The following GRID2 variants were observed in gnomAD, a reference collection of about 807,000 sequenced individuals.
GRID2 encodes the protein glutamate receptor ionotropic, delta-2.
A neutral mutation model predicts 114.8 loss-of-function variants in GRID2; 33 were observed. The observed-to-expected ratio is 0.29, with a 90% CI of 0.22 to 0.38. The LOEUF (loss-of-function observed/expected upper bound fraction) is 0.38, where lower values mean the gene tolerates loss of function less well. Among genes scored for constraint, GRID2 ranks in the 10% least tolerant of loss-of-function variants. GRID2 has a pLI of 1.00. For synonymous variants in GRID2, 505 were observed against 449.9 expected, an observed-to-expected ratio of 1.12 and a Z score of -1.55; for missense variants, 1,184 against 1,257.7, an observed-to-expected ratio of 0.94 and a Z score of 0.89.
intron 8 of GRID2, among the ~76,000 whole-genome samples, chr4:93,323,199 G>A (rs945948164): frequency 1.3e-5 from 2 of 151,958 alleles, no homozygotes; most frequent in Non-Finnish European, 2.9e-5. Context: ...TTAAGTCTTT[G>A]ATCCATCTTG....
intron 9 of GRID2, among the ~76,000 whole-genome samples, chr4:93,411,982 G>A (rs1022129140): frequency 2.7e-5 from 4 of 150,664 alleles, no homozygotes; most frequent in Middle Eastern, 3.4e-3. Flanking sequence ...AACCAATCCC[G>A]AACTTCAAAA....
chr4:93,703,750 G>GT (rs953481479), intron 14 of GRID2, among the ~76,000 whole-genome samples: 6 of 149,512 alleles, frequency 4.0e-5, no homozygotes, highest in South Asian at 2.1e-4. Flanking sequence ...GCAGTGTTTG[G>GT]TTTTTTGTCC....
intron 1 of GRID2, 38 bp downstream of exon 1, chr4:92,304,782 C>T (rs1282702917): frequency 1.4e-6 from 2 of 1,380,136 alleles, no homozygotes; most frequent in East Asian, 4.6e-5. Flanking sequence ...TTACTTTTAC[C>T]GTTTCAGTTC....
chr4:93,783,442 C>T (rs1734522529), intron 1 of GRID2, among the ~76,000 whole-genome samples: 2 of 152,186 alleles, frequency 1.3e-5, no homozygotes, highest in African/African-American at 4.8e-5. Context: ...AATGGTCCTT[C>T]TATATTCCTC....
At chr4:92,596,501 G>A (rs1030282236) in intron 2 of GRID2, among the ~76,000 whole-genome samples, 3 of 152,010 alleles carry the variant, frequency 2.0e-5, no homozygotes, top group Non-Finnish European at 4.4e-5. Flanking sequence ...AAGATACTTA[G>A]CTTGGTCCTT....
At chr4:93,391,791 G>A (rs1381473936) in intron 8 of GRID2, among the ~76,000 whole-genome samples, 1 of 152,144 alleles carries the variant, frequency 6.6e-6, no homozygotes, top group Non-Finnish European at 1.5e-5. Context: ...TAGTACACAT[G>A]TTAGGAGCAG....
At chr4:93,014,017 T>C (rs1722438713) in intron 2 of GRID2, among the ~76,000 whole-genome samples, 1 of 152,026 alleles carries the variant, frequency 6.6e-6, no homozygotes, top group African/African-American at 2.4e-5. Flanking sequence ...TAAAACAATT[T>C]ATATGATAAT....
chr4:92,690,120 A>G (rs1301036787), intron 2 of GRID2, among the ~76,000 whole-genome samples: 1 of 151,996 alleles, frequency 6.6e-6, no homozygotes, highest in Non-Finnish European at 1.5e-5. Flanking sequence ...TGGGCACCTG[A>G]GGCCTAGTTT....
chr4:93,302,688 A>G (rs1243839405), intron 8 of GRID2: 1 of 428,284 alleles, frequency 2.3e-6, no homozygotes, highest in Non-Finnish European at 4.7e-6. Flanking sequence ...TTCATAGGCT[A>G]CTTTATTGAA....
intron 13 of GRID2, among the ~76,000 whole-genome samples, chr4:93,612,672 A>G (rs1352868193): frequency 0.017 from 1,539 of 91,798 alleles, 6 homozygotes; most frequent in Middle Eastern, 0.057. Context: ...GGTTTCTGCC[A>G]AGAGATCCGC....
chr4:93,004,710 A>T (rs1236818913), intron 2 of GRID2, among the ~76,000 whole-genome samples: 1 of 151,894 alleles, frequency 6.6e-6, no homozygotes, highest in African/African-American at 2.4e-5. Flanking sequence ...GTCCTGACTC[A>T]TATTCTCTAC....
chr4:93,630,764 G>A (rs976709799), intron 14 of GRID2, among the ~76,000 whole-genome samples: 1 of 152,058 alleles, frequency 6.6e-6, no homozygotes, highest in African/African-American at 2.4e-5. Context: ...TTCTGACAGG[G>A]ATGAAAGTAG....
intron 2 of GRID2, among the ~76,000 whole-genome samples, chr4:92,849,426 C>T (rs1405014421): frequency 6.6e-6 from 1 of 151,808 alleles, no homozygotes; most frequent in African/African-American, 2.4e-5. Context: ...TGAGACCATG[C>T]AATGAGTTAG....
At chr4:92,490,872 T>C (rs1236830698) in intron 1 of GRID2, among the ~76,000 whole-genome samples, 1 of 152,138 alleles carries the variant, frequency 6.6e-6, no homozygotes, top group African/African-American at 2.4e-5. Context: ...GATGCCTGTT[T>C]TGCATCATTA....
chr4:92,459,501 G>A (rs1042292889), intron 1 of GRID2, among the ~76,000 whole-genome samples: 1 of 152,030 alleles, frequency 6.6e-6, no homozygotes, highest in South Asian at 2.1e-4. Context: ...AAATACAAAC[G>A]TCTTATTATG....
chr4:93,484,502 G>A (rs537242851), intron 11 of GRID2, among the ~76,000 whole-genome samples: 101 of 152,000 alleles, frequency 6.6e-4, no homozygotes, highest in Admixed American at 1.8e-3. Flanking sequence ...GTTGAATTGA[G>A]CAAAGAGCCA....
intron 13 of GRID2, among the ~76,000 whole-genome samples, chr4:93,614,293 C>G (rs187199141): frequency 6.6e-6 from 1 of 152,306 alleles, no homozygotes; most frequent in East Asian, 1.9e-4. Context: ...ACGCTGGGAG[C>G]TGTAGACCGG....
chr4:93,496,884 G>A (rs1056167322), intron 12 of GRID2, among the ~76,000 whole-genome samples: 4 of 151,698 alleles, frequency 2.6e-5, no homozygotes, highest in African/African-American at 9.7e-5. Flanking sequence ...TTGTTTCTCT[G>A]GCATAAATGC....
At chr4:93,615,225 T>C (rs1196219506) in intron 13 of GRID2, among the ~76,000 whole-genome samples, 1 of 152,210 alleles carries the variant, frequency 6.6e-6, no homozygotes, top group East Asian at 1.9e-4. Context: ...CTACAAGCTT[T>C]CTTTTAAAGG....
Sources: allele counts gnomAD v4.1 joint callset (sites outside exome capture counted in the v4.1 genomes callset), GRCh38; gene constraint gnomAD v4.1.1; transcripts MANE v1.5; gene names NCBI Gene and HGNC (gene_info 2026-07-23, HGNC 2026-07-21).